Variants in ATP5MJ observed in about 807,000 individuals in gnomAD.
ATP5MJ encodes ATP synthase membrane subunit j, also known as ATP synthase F(0) complex subunit j, mitochondrial.
ATP5MJ carries 4 observed loss-of-function variants against 8.3 expected under a neutral mutation model. The observed-to-expected ratio is 0.48, with a 90% CI of 0.24 to 1.11. The LOEUF is 1.11. Ranked by LOEUF, ATP5MJ falls within the 50% of genes least tolerant of loss-of-function variation. ATP5MJ has a pLI of 0.18. For synonymous variants in ATP5MJ, 23 were observed against 21.3 expected (o/e 1.08, Z -0.23); for missense variants, 66 against 71.8 (o/e 0.92, Z 0.29).
At chr14:103,919,249 T>C (rs879605715) in intron 1 of ATP5MJ, among the ~76,000 whole-genome samples, 8 of 140,702 alleles carry the variant, frequency 5.7e-5, no homozygotes, top group Non-Finnish European at 7.8e-5. Context: ...GGCATGGTGG[T>C]GGGCGCCTGT....
chr14:103,913,999 AG>A lies in ATP5MJ; in HGVS notation c.125-16del, dbSNP rs769419419. ...ACTTCTTTTATCTAAAATAAAAGGA[AG>A]GAAAAAAAAGCAGTCATATCAATGC... On this transcript the variant is annotated splice_polypyrimidine_tract_variant and intron_variant, in intron 2 of 3. Transcript: ENST00000286953. 1 of 1,600,224 alleles carries A rather than the reference AG, an allele frequency of 6.2e-7. No homozygotes were observed. The highest frequency in any genetic ancestry group is 1.8e-5 in the Admixed American group (1 of 56,780).
chr14:103,920,897 G>C, intron 1 of ATP5MJ: 1 of 1,402,632 alleles, frequency 7.1e-7, no homozygotes, highest in Non-Finnish European at 9.9e-7. Flanking sequence ...ATCCACTTAA[G>C]TCTGCAAAGT....
intron 2 of ATP5MJ, chr14:103,914,591 AG>A (rs1399898189): frequency 1.5e-6 from 1 of 677,642 alleles, no homozygotes; most frequent in East Asian, 2.7e-5. Context: ...GCTTGAGCCC[AG>A]GAGTTCAAGA....
chr14:103,920,799 G>A, intron 1 of ATP5MJ: 2 of 749,184 alleles, frequency 2.7e-6, no homozygotes, highest in Non-Finnish European at 4.7e-6. Flanking sequence ...TTCTGCCCAG[G>A]CACATTTCCT....
intron 3 of ATP5MJ, chr14:103,912,952 G>A (rs1595876871): frequency 2.0e-6 from 1 of 508,534 alleles, no homozygotes; most frequent in Non-Finnish European, 3.5e-6. Context: ...TCAAACTCAT[G>A]TAGCCAGTCC....
At chr14:103,914,311 A>G in intron 2 of ATP5MJ, 1 of 546,748 alleles carries the variant, frequency 1.8e-6, no homozygotes, top group East Asian at 2.9e-5. Flanking sequence ...ACTGAGAACC[A>G]AGTGGTTATT....
chr14:103,914,921 C>T, intron 2 of ATP5MJ, 145 bp downstream of exon 2: 1 of 964,614 alleles, frequency 1.0e-6, no homozygotes, highest in Non-Finnish European at 1.5e-6. Flanking sequence ...GACATGTGCT[C>T]CCTGTATTTT....
chr14:103,913,859 G>T (rs1479499637), intron 3 of ATP5MJ, 102 bp downstream of exon 3: 6 of 1,369,062 alleles, frequency 4.4e-6, no homozygotes, highest in Non-Finnish European at 6.2e-6. Flanking sequence ...CATATATACT[G>T]AACTGTGTTT....
At chr14:103,914,076 C>G (rs1055936795) in intron 2 of ATP5MJ, 92 bp from the exon 3 acceptor site, 37 of 1,208,906 alleles carry the variant, frequency 3.1e-5, no homozygotes, top group Non-Finnish European at 4.0e-5. Flanking sequence ...GGCATTGTAG[C>G]TTAGGTAAAG....
chr14:103,914,849 A>AAAAAAAAAG (rs1217998267), intron 2 of ATP5MJ: 6 of 365,012 alleles, frequency 1.6e-5, no homozygotes, highest in Admixed American at 6.4e-5. Flanking sequence ...AAAAAAAAAA[A>AAAAAAAAAG]AAAAAAAAGA....
chr14:103,917,926 C>T (rs2152107865), intron 1 of ATP5MJ: 1 of 152,360 alleles, frequency 6.6e-6, no homozygotes, highest in Non-Finnish European at 1.5e-5. Flanking sequence ...AACCTACCTC[C>T]AACACCTGCT....
chr14:103,916,288 G>A (rs961870588), intron 1 of ATP5MJ, among the ~76,000 whole-genome samples: 1 of 152,158 alleles, frequency 6.6e-6, no homozygotes, highest in African/African-American at 2.4e-5. Flanking sequence ...AATGCTTTTT[G>A]TTACTTTTAC....
intron 1 of ATP5MJ, chr14:103,918,086 A>G (rs2087640032): frequency 6.6e-6 from 1 of 152,256 alleles, no homozygotes; most frequent in African/African-American, 2.4e-5. Flanking sequence ...AAGCTACTCG[A>G]ATGCTCTGAC....
At chr14:103,916,541 T>G (rs971905545) in intron 1 of ATP5MJ, among the ~76,000 whole-genome samples, 2 of 151,958 alleles carry the variant, frequency 1.3e-5, no homozygotes, top group Non-Finnish European at 2.9e-5. Context: ...GAGACTAATT[T>G]GGGTAACATA....
intron 1 of ATP5MJ, among the ~76,000 whole-genome samples, chr14:103,915,906 C>T (rs1375235969): frequency 6.6e-6 from 1 of 152,200 alleles, no homozygotes; most frequent in Non-Finnish European, 1.5e-5. Context: ...TCCAGCACCT[C>T]TCCCACCCTG....
At chr14:103,914,837 CAA>C (rs35916279) in intron 2 of ATP5MJ, 11,637 of 185,016 alleles carry the variant, frequency 0.063, no homozygotes, top group Middle Eastern at 0.085. Context: ...AGACTGTCTC[CAA>C]AAAAAAAAAA....
chr14:103,914,858 G>GAAAAAAAAAAAAAAAAAAAAAAAAAA (rs1314714313), intron 2 of ATP5MJ: 2 of 310,376 alleles, frequency 6.4e-6, no homozygotes, highest in Non-Finnish European at 1.1e-5. Flanking sequence ...AAAAAAAAAA[G>GAAAAAAAAAAAAAAAAAAAAAAAAAA]AAAAGAAAAG....
At chr14:103,919,658 G>A (rs1038492699) in intron 1 of ATP5MJ, among the ~76,000 whole-genome samples, 2 of 152,046 alleles carry the variant, frequency 1.3e-5, no homozygotes, top group Middle Eastern at 3.2e-3. Context: ...ATTGTGCTCC[G>A]GGCCCAGGCA....
chr14:103,921,104 G>C (rs188152120), intron 1 of ATP5MJ: 11 of 1,393,970 alleles, frequency 7.9e-6, no homozygotes, highest in Admixed American at 2.0e-5. Context: ...AAGGAGAGAA[G>C]GGACTGGATG....
Sources: allele counts gnomAD v4.1 joint callset (sites outside exome capture counted in the v4.1 genomes callset), GRCh38; gene constraint gnomAD v4.1.1; transcripts MANE v1.5; gene names NCBI Gene and HGNC (gene_info 2026-07-23, HGNC 2026-07-21).